The following DAPK2 variants were observed in gnomAD, a reference collection of about 807,000 sequenced individuals.
DAPK2 encodes the protein death-associated protein kinase 2.
DAPK2 carries 35 observed loss-of-function variants against 44.1 expected under a neutral mutation model. The ratio of observed to expected loss-of-function variants is 0.79; its 90% CI spans 0.61 to 1.05. The LOEUF is 1.05. Among genes scored for constraint, DAPK2 ranks in the 50% least tolerant of loss-of-function variants. The pLI, the probability that DAPK2 is intolerant of heterozygous loss-of-function variation, is 0.00. For synonymous variants in DAPK2, 174 were observed against 182.6 expected (o/e 0.95, Z 0.38); for missense variants, 453 against 483.2 (o/e 0.94, Z 0.59).
intron 3 of DAPK2, among the ~76,000 whole-genome samples, chr15:63,946,113 C>T (rs1163844449): frequency 1.3e-5 from 2 of 152,346 alleles, no homozygotes; most frequent in East Asian, 3.9e-4. Context: ...GCCTGCCTGC[C>T]ACCAGGAGGC....
At chr15:63,935,150 G>T (rs1396303022) in intron 4 of DAPK2, among the ~76,000 whole-genome samples, 3 of 145,718 alleles carry the variant, frequency 2.1e-5, no homozygotes, top group African/African-American at 7.6e-5. Flanking sequence ...GAGTGCAATG[G>T]CGAGATCTCA....
intron 1 of DAPK2, among the ~76,000 whole-genome samples, chr15:64,017,164 C>A (rs1367230654): frequency 6.6e-6 from 1 of 152,184 alleles, no homozygotes; most frequent in African/African-American, 2.4e-5. Context: ...TCTCCAGACA[C>A]TGGCTGTGAC....
At chr15:63,983,885 G>A (rs1002026575) in intron 1 of DAPK2, 131 bp from the exon 3 acceptor site, 1 of 856,388 alleles carries the variant, frequency 1.2e-6, no homozygotes, top group African/African-American at 1.7e-5. Flanking sequence ...CCACCAGTCT[G>A]CATCCCCACC....
chr15:64,005,435 C>T (rs1183075517), intron 1 of DAPK2, among the ~76,000 whole-genome samples: 1 of 151,044 alleles, frequency 6.6e-6, no homozygotes, highest in Non-Finnish European at 1.5e-5. Flanking sequence ...AGATGCCAGC[C>T]CAAGAATATC....
chr15:63,932,203 C>T (rs930816487), intron 4 of DAPK2, among the ~76,000 whole-genome samples: 1 of 141,740 alleles, frequency 7.1e-6, no homozygotes, highest in Non-Finnish European at 1.5e-5. Context: ...CAGTGGCTTA[C>T]GCCTGTAATC....
At chr15:64,037,126 G>A (rs1313751993) in intron 1 of DAPK2, among the ~76,000 whole-genome samples, 1 of 152,160 alleles carries the variant, frequency 6.6e-6, no homozygotes, top group Non-Finnish European at 1.5e-5. Context: ...CCCAACCCAT[G>A]TGACCCCAAA....
intron 3 of DAPK2, among the ~76,000 whole-genome samples, chr15:63,969,866 C>T (rs2078163000): frequency 6.6e-6 from 1 of 152,140 alleles, no homozygotes; most frequent in African/African-American, 2.4e-5. Context: ...GGGAACTGAG[C>T]TCATGCCCTG....
chr15:64,039,533 C>T (rs919108676), intron 1 of DAPK2, among the ~76,000 whole-genome samples: 1 of 152,182 alleles, frequency 6.6e-6, no homozygotes, highest in South Asian at 2.1e-4. Context: ...ACTACACTAC[C>T]ACCTAAATAT....
chr15:64,022,492 T>C (rs978787705), intron 1 of DAPK2, among the ~76,000 whole-genome samples: 2 of 152,206 alleles, frequency 1.3e-5, no homozygotes, highest in African/African-American at 4.8e-5. Context: ...CGTAAAGAAC[T>C]GACCACTTAA....
chr15:64,007,449 T>C (rs1387002924), intron 1 of DAPK2, among the ~76,000 whole-genome samples: 1 of 151,762 alleles, frequency 6.6e-6, no homozygotes, highest in Non-Finnish European at 1.5e-5. Flanking sequence ...CAGCCAGAGC[T>C]CTCCATCCTC....
intron 8 of DAPK2, among the ~76,000 whole-genome samples, chr15:63,924,239 G>A (rs2140325697): frequency 6.6e-6 from 1 of 152,302 alleles, no homozygotes; most frequent in Non-Finnish European, 1.5e-5. Flanking sequence ...TGCAAGGCGA[G>A]TTAGGCAGGG....
chr15:64,005,707 G>A (rs749079521), intron 1 of DAPK2, among the ~76,000 whole-genome samples: 14 of 152,076 alleles, frequency 9.2e-5, no homozygotes, highest in Non-Finnish European at 1.9e-4. Context: ...CTAGATCTGG[G>A]AGAAGAACCA....
intron 1 of DAPK2, among the ~76,000 whole-genome samples, chr15:63,992,816 G>A (rs895606109): frequency 1.3e-5 from 2 of 152,210 alleles, no homozygotes; most frequent in African/African-American, 4.8e-5. Context: ...ACAGTCAGAT[G>A]TATGTTTAAC....
chr15:63,986,185 G>C (rs1306457128), intron 1 of DAPK2, among the ~76,000 whole-genome samples: 1 of 152,220 alleles, frequency 6.6e-6, no homozygotes, highest in African/African-American at 2.4e-5. Flanking sequence ...CAGCCCCCAG[G>C]CTTCAAGATC....
chr15:63,971,522 C>T (rs2078210326), exon 3 of DAPK2: 1 of 1,614,076 alleles, frequency 6.2e-7, no homozygotes, highest in Non-Finnish European at 8.5e-7. Context: ...TCAGTGACTC[C>T]TTCTGGGCCA....
intron 8 of DAPK2, chr15:63,921,929 A>T (rs2079083579): frequency 6.6e-6 from 1 of 152,176 alleles, no homozygotes; most frequent in Non-Finnish European, 1.5e-5. Context: ...AGGTGTATGC[A>T]TTCCACCTAC....
intron 3 of DAPK2, among the ~76,000 whole-genome samples, chr15:63,940,697 G>A (rs867436904): frequency 1.1e-4 from 17 of 151,960 alleles, no homozygotes; most frequent in Non-Finnish European, 1.3e-4. Context: ...GGGCAACAGA[G>A]TGAGTCTCTG....
At chr15:63,971,357 G>C (rs886973761) in intron 3 of DAPK2, 66 bp downstream of exon 4, 2 of 1,572,504 alleles carry the variant, frequency 1.3e-6, no homozygotes, top group East Asian at 4.5e-5. Flanking sequence ...TCCTGGGAAA[G>C]ACACCAGGAG....
chr15:64,018,374 G>A (rs564879503), intron 1 of DAPK2, among the ~76,000 whole-genome samples: 4 of 152,150 alleles, frequency 2.6e-5, no homozygotes, highest in Non-Finnish European at 5.9e-5. Flanking sequence ...CTAACCCAGC[G>A]AAAAAGCTAA....
Sources: allele counts gnomAD v4.1 joint callset (sites outside exome capture counted in the v4.1 genomes callset), GRCh38; gene constraint gnomAD v4.1.1; transcripts MANE v1.5; gene names NCBI Gene and HGNC (gene_info 2026-07-23, HGNC 2026-07-21).